The following TECRL variants were observed in gnomAD, a reference collection of about 807,000 sequenced individuals.
The protein encoded by TECRL is trans-2,3-enoyl-CoA reductase like.
Under a neutral mutation model 52.8 loss-of-function variants are expected in TECRL, and 63 were observed. The ratio of observed to expected loss-of-function variants is 1.19; its 90% CI spans 0.97 to 1.47. TECRL has a LOEUF of 1.47. TECRL is among the 40% of genes most tolerant of loss of function. The pLI, the probability that TECRL is intolerant of heterozygous loss-of-function variation, is 0.00. For synonymous variants in TECRL, 164 were observed against 141.9 expected (o/e 1.16, Z -1.10); for missense variants, 482 against 429.6 (o/e 1.12, Z -1.08).
At chr4:64,381,395 T>G (rs139553813) in intron 1 of TECRL, among the ~76,000 whole-genome samples, 2,038 of 152,020 alleles carry the variant, frequency 0.013, 55 homozygotes, top group African/African-American at 0.046. Flanking sequence ...TTCTTTTTCT[T>G]TCCTGATTGC....
intron 7 of TECRL, among the ~76,000 whole-genome samples, chr4:64,302,114 C>A (rs1024664622): frequency 6.6e-6 from 1 of 151,250 alleles, no homozygotes; most frequent in African/African-American, 2.4e-5. Flanking sequence ...TGCCATTGGG[C>A]AGTTTTACAA....
chr4:64,363,981 A>G (rs540381015), intron 2 of TECRL, among the ~76,000 whole-genome samples: 2 of 152,088 alleles, frequency 1.3e-5, no homozygotes, highest in Non-Finnish European at 2.9e-5. Context: ...TTCACACCAC[A>G]CGTAATCTAA....
chr4:64,379,742 C>G (rs73230498), intron 1 of TECRL, among the ~76,000 whole-genome samples: 2,179 of 152,108 alleles, frequency 0.014, 64 homozygotes, highest in African/African-American at 0.05. Context: ...TGAGAACATG[C>G]AGTATTTGTC....
intron 1 of TECRL, among the ~76,000 whole-genome samples, chr4:64,400,583 G>A (rs184859861): frequency 1.4e-4 from 21 of 152,294 alleles, no homozygotes; most frequent in African/African-American, 4.8e-4. Context: ...AGTGTTGCAG[G>A]TGGGGCCTGG....
At chr4:64,409,034 G>T in intron 1 of TECRL, 84 bp downstream of exon 1, 1 of 1,217,012 alleles carries the variant, frequency 8.2e-7, no homozygotes, top group Non-Finnish European at 1.1e-6. Flanking sequence ...AGTCGTGTTA[G>T]AATTTAATCA....
At chr4:64,334,522 G>T (rs750396392) in intron 2 of TECRL, among the ~76,000 whole-genome samples, 2 of 152,172 alleles carry the variant, frequency 1.3e-5, no homozygotes, top group East Asian at 3.8e-4. Context: ...ACAACTAAAA[G>T]TGTTTAACAC....
intron 8 of TECRL, among the ~76,000 whole-genome samples, chr4:64,299,769 A>G (rs1723898458): frequency 6.6e-6 from 1 of 150,922 alleles, no homozygotes; most frequent in South Asian, 2.1e-4. Context: ...ACCTTTAGAG[A>G]TGACTACAAC....
At chr4:64,395,603 C>T (rs1246811081) in intron 1 of TECRL, among the ~76,000 whole-genome samples, 1 of 152,110 alleles carries the variant, frequency 6.6e-6, no homozygotes, top group African/African-American at 2.4e-5. Context: ...ATAAAAAGGG[C>T]AAACTGAGAT....
intron 1 of TECRL, among the ~76,000 whole-genome samples, chr4:64,390,006 T>C (rs1376266551): frequency 6.6e-6 from 1 of 151,840 alleles, no homozygotes; most frequent in Non-Finnish European, 1.5e-5. Flanking sequence ...TAAATGTTCA[T>C]ATACCTGGGA....
chr4:64,281,042 TG>T lies in TECRL; in HGVS notation c.962del (p.Pro321GlnfsTer8). The part of the protein sequence containing the change: ...ISFTVMTQTL[P>X]VGIFTLLMSI... ...ATTATCAGTATATCTAGGTCTTACC[TG>T]GCAGTGTTTGTGTCATGACTGTGAA... On this transcript the variant is annotated frameshift_variant and splice_region_variant, in exon 11 of 12. Coordinates refer to ENST00000381210, the MANE Select transcript of TECRL (RefSeq NM_001010874.5). LOFTEE classifies it high-confidence loss of function. The T allele has an allele frequency of 6.2e-7, 1 of 1,600,264 alleles. No homozygotes were observed. Among genetic ancestry groups the T allele is most frequent in the South Asian group, 1.1e-5 (1 of 89,112 alleles).
Position 64,333,937 on chromosome 4 carries a change from T to C in TECRL, c.287-5381A>G, listed in dbSNP as rs989659718. Among the ~76,000 whole-genome samples the C allele has an allele frequency of 1.6e-3, 214 of 130,002 alleles. 4 individuals are homozygous for C. The highest frequency in any genetic ancestry group is 2.4e-4 in the Non-Finnish European group (15 of 62,822). 85.3% of individuals were successfully genotyped at this position (130,002 alleles called of 152,430 possible). A position where few individuals can be genotyped will look rare whatever the true frequency, so the allele number is the denominator to read the frequency against. ...TACTCGGGAGGCTGAGGCAGGAGAA[T>C]GGCGTGAACCCGGGAGGCGGAGCTT... On this transcript the variant is annotated intron_variant, in intron 2 of 11. Coordinates refer to ENST00000381210, the MANE Select transcript of TECRL (RefSeq NM_001010874.5).
At chr4:64,329,998 TA>T (rs1322384766) in intron 2 of TECRL, among the ~76,000 whole-genome samples, 6 of 151,730 alleles carry the variant, frequency 4.0e-5, no homozygotes, top group Non-Finnish European at 8.9e-5. Context: ...TACTGTACAG[TA>T]AAATAGTACT....
chr4:64,377,575 T>G (rs1722492325), intron 1 of TECRL, among the ~76,000 whole-genome samples: 1 of 152,096 alleles, frequency 6.6e-6, no homozygotes, highest in Admixed American at 6.6e-5. Flanking sequence ...CCTTCATTAA[T>G]GTTTCTTCCT....
rs1248106766 is a variant in TECRL, at chr4:64,340,085, C to T, written c.287-11529G>A. Among the ~76,000 whole-genome samples the T allele has an allele frequency of 7.0e-4, 107 of 152,192 alleles. 1 individual carries two copies. The highest frequency in any genetic ancestry group is 7.0e-3 in the Admixed American group (107 of 15,272). Reference sequence around the variant, plus strand: ...ATTTTCCTGATACTGATGGCAGCATCAGGTCATCTGTAGAGGCTGTTGCCA... The same window carrying T: ...ATTTTCCTGATACTGATGGCAGCATTAGGTCATCTGTAGAGGCTGTTGCCA... On this transcript the variant is annotated intron_variant, in intron 2 of 11. Coordinates refer to ENST00000381210, the MANE Select transcript of TECRL (RefSeq NM_001010874.5).
At chr4:64,327,680 C>T (rs919128345) in intron 3 of TECRL, among the ~76,000 whole-genome samples, 36 of 151,916 alleles carry the variant, frequency 2.4e-4, no homozygotes, top group African/African-American at 6.3e-4. Flanking sequence ...TCTCAGAGAA[C>T]GATTAAATGT....
At chr4:64,296,314 C>T (rs1723677886) in intron 8 of TECRL, among the ~76,000 whole-genome samples, 1 of 151,746 alleles carries the variant, frequency 6.6e-6, no homozygotes, top group Non-Finnish European at 1.5e-5. Context: ...CACTTCTGTA[C>T]CCGAGGTTCT....
intron 1 of TECRL, among the ~76,000 whole-genome samples, chr4:64,386,519 A>G (rs1723188701): frequency 6.6e-6 from 1 of 152,102 alleles, no homozygotes; most frequent in South Asian, 2.1e-4. Flanking sequence ...TATATATGTC[A>G]GCGTAGAGGA....
At chr4:64,378,862 C>G (rs895846314) in intron 1 of TECRL, among the ~76,000 whole-genome samples, 1 of 150,488 alleles carries the variant, frequency 6.6e-6, no homozygotes, top group Non-Finnish European at 1.5e-5. Context: ...TTTTATTTAT[C>G]TAAGAAATTG....
intron 2 of TECRL, among the ~76,000 whole-genome samples, chr4:64,341,493 G>A (rs1719565715): frequency 6.6e-6 from 1 of 152,058 alleles, no homozygotes; most frequent in African/African-American, 2.4e-5. Context: ...TCAGCTACTT[G>A]GGAGGCTGAG....
Sources: gnomAD v4.1 joint callset for allele counts (sites outside exome capture counted in the v4.1 genomes callset) on GRCh38, gnomAD v4.1.1 for gene constraint, MANE v1.5 for transcripts, NCBI Gene and HGNC (gene_info 2026-07-23, HGNC 2026-07-21) for gene names.